TRIM5: variants seen among roughly 807,000 people sequenced by gnomAD.
TRIM5 encodes the protein tripartite motif containing 5.
A neutral mutation model predicts 35.6 loss-of-function variants in TRIM5; 31 were observed. The observed-to-expected ratio is 0.87, with a 90% CI of 0.65 to 1.18. The LOEUF is 1.18. Ranked by LOEUF, TRIM5 falls within the 50% of genes most tolerant of loss-of-function variation. The pLI, the probability that TRIM5 is intolerant of heterozygous loss-of-function variation, is 0.00. For missense variants in TRIM5, 609 were observed against 591.6 expected, an observed-to-expected ratio of 1.03 and a Z score of -0.31; for synonymous variants, 243 against 215.6, an observed-to-expected ratio of 1.13 and a Z score of -1.11.
At chr11:5,660,851 G>A (rs1028572861), downstream of TRIM5, among the ~76,000 whole-genome samples, 2 of 151,526 alleles carry the variant, frequency 1.3e-5, no homozygotes, top group East Asian at 3.9e-4. Flanking sequence ...GACCATCCTG[G>A]CTAACACGGT....
chr11:5,679,078 C>T lies in TRIM5; in HGVS notation c.509G>A (p.Trp170Ter). 1 of 1,613,764 alleles carries T rather than the reference C, an allele frequency of 6.2e-7. No individual in the cohort carries two copies. ...EADIREEKAS[W>*]KTQIQYDKTN... ...TCGGGAACCACATCCTCTTGCCTTC[C>T]AGGAAGCTTTCTCTTCTCTGATGTC... Residue 170 changes from tryptophan (W) to a stop codon, truncating the protein, a stop_gained, in exon 3 of 8, where the codon TGG becomes TAG. Transcript: ENST00000380034. LOFTEE classifies it high-confidence loss of function.
At chr11:5,595,720 CT>C in the TRIM5 span, among the ~76,000 whole-genome samples, 495 of 141,048 alleles carry the variant, frequency 3.5e-3, 1 homozygote, top group African/African-American at 4.9e-3. Context: ...TTCAAAAATT[CT>C]TTTTTTTTTT....
At chr11:5,638,073 G>A in the TRIM5 span, among the ~76,000 whole-genome samples, 1 of 152,170 alleles carries the variant, frequency 6.6e-6, no homozygotes, top group African/African-American at 2.4e-5. Flanking sequence ...ATGTAAATCA[G>A]CGTATCCAAT....
chr11:5,621,138 C>A, the TRIM5 span, among the ~76,000 whole-genome samples: 2 of 152,216 alleles, frequency 1.3e-5, no homozygotes, highest in Admixed American at 1.3e-4. Flanking sequence ...CCTTTAACCC[C>A]TGCATCCCAG....
At chr11:5,667,831 G>A in intron 4 of TRIM5, 120 bp from the exon 5 acceptor site, 1 of 1,082,270 alleles carries the variant, frequency 9.2e-7, no homozygotes, top group Non-Finnish European at 1.3e-6. Flanking sequence ...CAGTGTGAAA[G>A]ACAAAAAAGC....
chr11:5,663,525 G>T lies in TRIM5; in HGVS notation c.*1284C>A. On this transcript the variant is annotated 3_prime_UTR_variant, in exon 8 of 8. Transcript: ENST00000380034. ...AGTTTATGTTTTTCAATAATTTGTA[G>T]AACAAGTACTTATTAGATCAAGACA... 1 of 982,962 alleles carries T rather than the reference G, an allele frequency of 1.0e-6. No individual in the cohort carries two copies. The highest frequency in any genetic ancestry group is 4.7e-5 in the South Asian group (1 of 21,230). 60.9% of individuals were successfully genotyped at this position (982,962 alleles called of 1,614,324 possible). A position where few individuals can be genotyped will look rare whatever the true frequency, so the allele number is the denominator to read the frequency against.
chr11:5,620,370 G>A, the TRIM5 span, among the ~76,000 whole-genome samples: 3 of 151,026 alleles, frequency 2.0e-5, no homozygotes, highest in Non-Finnish European at 2.9e-5. Flanking sequence ...GTAGAGACGG[G>A]GTTTCACCAT....
chr11:5,619,110 A>C, the TRIM5 span, among the ~76,000 whole-genome samples: 3 of 152,320 alleles, frequency 2.0e-5, no homozygotes, highest in South Asian at 6.2e-4. Flanking sequence ...TGTATGTAGC[A>C]AGTGGACTTG....
the TRIM5 span, among the ~76,000 whole-genome samples, chr11:5,653,603 T>C: frequency 6.6e-6 from 1 of 151,234 alleles, no homozygotes; most frequent in East Asian, 2.0e-4. Flanking sequence ...GCGATTCTCC[T>C]GCCTCAGCCT....
the TRIM5 span, among the ~76,000 whole-genome samples, chr11:5,606,573 T>G: frequency 2.6e-5 from 4 of 152,224 alleles, no homozygotes; most frequent in Non-Finnish European, 5.9e-5. Context: ...ACTTTCTGCC[T>G]GTTACAGCTT....
chr11:5,636,680 G>A, the TRIM5 span, among the ~76,000 whole-genome samples: 1 of 152,092 alleles, frequency 6.6e-6, no homozygotes, highest in Non-Finnish European at 1.5e-5. Flanking sequence ...AGTCTTAGTT[G>A]CTATTTGGTC....
At chr11:5,672,312 A>G (rs1851641577) in intron 4 of TRIM5, among the ~76,000 whole-genome samples, 1 of 152,026 alleles carries the variant, frequency 6.6e-6, no homozygotes, top group East Asian at 1.9e-4. Flanking sequence ...CCCAGGTTCA[A>G]GCGAGTCTCC....
the TRIM5 span, chr11:5,611,261 T>C: frequency 3.7e-6 from 6 of 1,614,076 alleles, no homozygotes; most frequent in Non-Finnish European, 5.1e-6. Flanking sequence ...TCTCTAAATA[T>C]TACTTTCCCA....
intron 1 of TRIM5, among the ~76,000 whole-genome samples, chr11:5,681,702 A>G (rs1852463359): frequency 8.0e-6 from 1 of 125,178 alleles, no homozygotes; most frequent in Admixed American, 8.1e-5. Context: ...TTATCTTGTC[A>G]TGCTTCAAGG....
At chr11:5,596,501 C>A in the TRIM5 span, among the ~76,000 whole-genome samples, 1 of 120,750 alleles carries the variant, frequency 8.3e-6, no homozygotes. Flanking sequence ...ATCCCTTCCC[C>A]CCTTCCCCCG....
chr11:5,642,474 C>G, the TRIM5 span: 5 of 1,613,908 alleles, frequency 3.1e-6, no homozygotes, highest in African/African-American at 6.7e-5. Flanking sequence ...TTCCATGCTC[C>G]AGATCTGAGT....
the TRIM5 span, among the ~76,000 whole-genome samples, chr11:5,592,431 C>T: frequency 0.013 from 2,024 of 152,190 alleles, 50 homozygotes; most frequent in African/African-American, 0.045. Context: ...AAGTAACTTG[C>T]CCCAAATCAT....
chr11:5,678,163 T>C (rs368454739), intron 4 of TRIM5, 41 bp downstream of exon 4: 5 of 1,535,718 alleles, frequency 3.3e-6, no homozygotes, highest in African/African-American at 1.4e-5. Context: ...AGCCTTCACT[T>C]TTCTTTAATC....
the TRIM5 span, among the ~76,000 whole-genome samples, chr11:5,609,261 C>G: frequency 6.6e-6 from 1 of 152,158 alleles, no homozygotes; most frequent in African/African-American, 2.4e-5. Flanking sequence ...GAAATCTGTA[C>G]TCTCCGTTTG....
Sources: gnomAD v4.1 joint callset for allele counts (sites outside exome capture counted in the v4.1 genomes callset) on GRCh38, gnomAD v4.1.1 for gene constraint, MANE v1.5 for transcripts, NCBI Gene and HGNC (gene_info 2026-07-23, HGNC 2026-07-21) for gene names.